The following BAZ2A variants were observed in gnomAD, a reference collection of about 807,000 sequenced individuals.
BAZ2A encodes bromodomain adjacent to zinc finger domain protein 2A.
BAZ2A carries 34 observed loss-of-function variants against 199.9 expected under a neutral mutation model. The observed-to-expected ratio is 0.17, with a 90% CI of 0.13 to 0.23. The LOEUF (loss-of-function observed/expected upper bound fraction) is 0.23. Ranked by LOEUF, BAZ2A falls within the 10% of genes least tolerant of loss-of-function variation. The pLI is 1.00. For missense variants in BAZ2A, 2,002 were observed against 2,391.1 expected (o/e 0.84, Z 3.39); for synonymous variants, 857 against 883.9 (o/e 0.97, Z 0.54).
At chr12:56,634,800 G>A (rs1454299553), upstream of BAZ2A, 1 of 710,646 alleles carries the variant, frequency 1.4e-6, no homozygotes, top group Non-Finnish European at 1.7e-6. Flanking sequence ...TGGGCGAGTA[G>A]ATAGTTCAGG....
In BAZ2A at chr12:56,598,696, G is replaced by T. The variant is rs1205824732; in HGVS notation, c.5634C>A (p.Gly1878=). The change falls in exon 29 of 29, where the codon GGC becomes GGA. Residue 1878 remains glycine (G), a synonymous_variant. Transcript: ENST00000549884. ...QTFNEDDSEV[G]KAGHIMRRFF... ...AGCGGCGCATGATGTGCCCAGCCTTGCCTACTTCAGAGTCATCCTCGTTGA... is the reference window on the plus strand; with the variant it reads ...AGCGGCGCATGATGTGCCCAGCCTTTCCTACTTCAGAGTCATCCTCGTTGA... 1 of 1,613,790 alleles carries T rather than the reference G, an allele frequency of 6.2e-7. No homozygotes were observed.
intron 1 of BAZ2A, among the ~76,000 whole-genome samples, chr12:56,625,148 GAATTT>G (rs1479046113): frequency 1.4e-5 from 2 of 141,652 alleles, no homozygotes; most frequent in African/African-American, 2.6e-5. Flanking sequence ...TTGTTTCTTA[GAATTT>G]CTTTTTTTTT....
intron 2 of BAZ2A, among the ~76,000 whole-genome samples, chr12:56,616,832 T>C (rs1950738830): frequency 6.6e-6 from 1 of 152,124 alleles, no homozygotes; most frequent in Admixed American, 6.6e-5. Context: ...ACAGAGCAAC[T>C]GGTAAGCCAA....
At chr12:56,621,560 G>A (rs1427213180) in intron 1 of BAZ2A, among the ~76,000 whole-genome samples, 2 of 151,964 alleles carry the variant, frequency 1.3e-5, no homozygotes, top group Non-Finnish European at 2.9e-5. Flanking sequence ...ATACTTGCTG[G>A]GCCTAAGTTT....
At position 56,635,994 on chromosome 12, in the gene BAZ2A, T is replaced by G. The variant is rs1951439279; in HGVS notation, c.4+188A>C. ...TCAGGCTCTTCCTTAGAACTGGGGC[T>G]TGCCCATACTCAGGATCCCGTGGTC... is the stretch of plus-strand genomic sequence containing the variant. On this transcript the variant is annotated intron_variant, in intron 1 of 29. Transcript: ENST00000379441. The surrounding 1 kb of genome is among the most constrained non-coding windows in gnomAD (Gnocchi z 4.1). 6.6e-6 allele frequency among the ~76,000 whole-genome samples: 1 copy of G among 152,184 alleles called. No homozygotes were observed. Among genetic ancestry groups the G allele is most frequent in the African/African-American group, 2.4e-5 (1 of 41,450 alleles).
Position 56,617,527 on chromosome 12 carries a change from C to T in BAZ2A, c.4G>A (p.Glu2Lys). Residue 2 changes from glutamate (E) to lysine (K), a missense_variant, in exon 2 of 29, where the codon GAG becomes AAG. Physicochemically the swap from Glu to Lys is moderately conservative, Grantham distance 56 (BLOSUM62 1). Transcript: ENST00000549884. ...GTAAAGTTAAAATGGTCGTTTGCCTCCATTTCTGCAGGAGGGGAGAGAGAG... is the reference window on the plus strand; with the variant it reads ...GTAAAGTTAAAATGGTCGTTTGCCTTCATTTCTGCAGGAGGGGAGAGAGAG... MEANDHFNFTGL... is the reference protein window; with the variant it reads MKANDHFNFTGL... 6.2e-7 allele frequency: 1 copy of T among 1,606,464 alleles called. No individual in the cohort carries two copies. The highest frequency in any genetic ancestry group is 8.5e-7 in the Non-Finnish European group (1 of 1,176,812).
Position 56,605,237 on chromosome 12 carries a change from A to G in BAZ2A, c.2584T>C (p.Phe862Leu), listed in dbSNP as rs900810830. Reference sequence around the variant, plus strand: ...GGATCAAAGCCCAGCACCTTGCCAAAGCTATGCAGGAACTCCACAATGGTC... The same window carrying G: ...GGATCAAAGCCCAGCACCTTGCCAAGGCTATGCAGGAACTCCACAATGGTC... ...CLTIVEFLHS[F>L]GKVLGFDPAK... Residue 862 changes from phenylalanine to leucine, a missense_variant, in exon 14 of 29, where the codon TTT becomes CTT. Phe to Leu is a conservative substitution (Grantham distance 22). Transcript: ENST00000549884. The G allele has an allele frequency of 1.2e-6, 2 of 1,613,746 alleles. No individual in the cohort carries two copies. The highest frequency in any genetic ancestry group is 1.7e-6 in the Non-Finnish European group (2 of 1,179,866).
chr12:56,601,275 C>T lies in BAZ2A; in HGVS notation c.4199G>A (p.Gly1400Glu). The T allele has an allele frequency of 6.2e-7, 1 of 1,614,058 alleles. No homozygotes were observed. The highest frequency in any genetic ancestry group is 1.3e-5 in the African/African-American group (1 of 75,070). ...AGGTCTCCCTCTCCGTTTGGGCTGT[C>T]CCAGCCCTGTGGGACTCTGTGGCAT... ...GEMPQSPTGLGQPKRRGRPPS... is the reference protein window; with the variant it reads ...GEMPQSPTGLEQPKRRGRPPS... The change falls in exon 21 of 29, where the codon GGA (glycine) becomes GAA (glutamate). Residue 1400 changes from glycine to glutamate, a missense_variant. Coordinates refer to ENST00000549884, the MANE Select transcript of BAZ2A (RefSeq NM_001300905.2).
rs1885978239 is a variant in BAZ2A, at chr12:56,597,716, T to C, written c.*902A>G. 1 of 151,624 alleles carries C rather than the reference T, an allele frequency of 6.6e-6. No homozygotes were observed. Among genetic ancestry groups the C allele is most frequent in the South Asian group, 2.1e-4 (1 of 4,788 alleles). 9.4% of individuals were successfully genotyped at this position (151,624 alleles called of 1,614,324 possible). On this transcript the variant is annotated 3_prime_UTR_variant, in exon 29 of 29. Transcript: ENST00000549884. ...CGGCCCCATTGCTACCTGGCCTCCA[T>C]CTTAGGGTGCACCCAAACTCAGCAG...
At chr12:56,630,714 A>T, upstream of BAZ2A, 2 of 909,484 alleles carry the variant, frequency 2.2e-6, no homozygotes, top group Non-Finnish European at 2.6e-6. Context: ...TAGAAAGGTT[A>T]GTCACTCAGG....
upstream of BAZ2A, among the ~76,000 whole-genome samples, chr12:56,636,969 A>G (rs1951461685): frequency 6.6e-6 from 1 of 152,122 alleles, no homozygotes; most frequent in Non-Finnish European, 1.5e-5. Context: ...AGCCCTCCCC[A>G]ACCTTCAGCC....
Position 56,603,408 on chromosome 12 carries a change from G to A in BAZ2A, c.3230C>T (p.Thr1077Ile), listed in dbSNP as rs765618894. 7 of 1,614,068 alleles carry A rather than the reference G, an allele frequency of 4.3e-6. No individual in the cohort carries two copies. Among genetic ancestry groups the A allele is most frequent in the South Asian group, 3.3e-5 (3 of 91,090 alleles). The change falls in exon 18 of 29, where the codon ACA (threonine) becomes ATA (isoleucine). Residue 1077 changes from threonine (T) to isoleucine (I), a missense_variant. Thr to Ile is a moderately conservative substitution (Grantham distance 89). Transcript: ENST00000549884. Reference sequence around the variant, plus strand: ...CTCTAGCTCTGGGATGCTAGATGCTGTGGCATCAACCTAGGGAGAAACACA... The same window carrying A: ...CTCTAGCTCTGGGATGCTAGATGCTATGGCATCAACCTAGGGAGAAACACA... ...RGRRDGEVDA[T>I]ASSIPELERQ...
At chr12:56,636,357 G>T (rs1951449252) in exon 1 of BAZ2A, 5 of 1,385,828 alleles carry the variant, frequency 3.6e-6, no homozygotes, top group Middle Eastern at 1.9e-4. Context: ...CTGCTGTAGG[G>T]TGATGTCCCT....
intron 27 of BAZ2A, 35 bp downstream of exon 27, chr12:56,599,094 G>A: frequency 6.3e-7 from 1 of 1,598,970 alleles, no homozygotes; most frequent in Non-Finnish European, 8.5e-7. Flanking sequence ...GGCAGAGGTA[G>A]AGCCAACTGT....
chr12:56,616,903 TG>T (rs1565828085), intron 2 of BAZ2A, among the ~76,000 whole-genome samples: 1 of 152,194 alleles, frequency 6.6e-6, no homozygotes, highest in African/African-American at 2.4e-5. Context: ...AACTTCTCTC[TG>T]GGGGAACTAG....
chr12:56,610,742 C>A (rs545331972), intron 7 of BAZ2A, among the ~76,000 whole-genome samples: 1 of 152,256 alleles, frequency 6.6e-6, no homozygotes, highest in South Asian at 2.1e-4. Context: ...CCAAACTGCA[C>A]AAGCTCAGAG....
chr12:56,615,363 G>A lies in BAZ2A; in HGVS notation c.381C>T (p.Gly127=), dbSNP rs1486775867. ...GQYPLNGILG[G]SRQPSSPSHN... ...GACTTGGGGATGAAGGTTGCCGGCT[G>A]CCCCCAAGGATGCCGTTGAGTGGGT... The change falls in exon 3 of 29, where the codon GGC becomes GGT. Residue 127 remains glycine, a synonymous_variant. Transcript: ENST00000549884. The A allele has an allele frequency of 6.2e-7, 1 of 1,613,586 alleles. No individual in the cohort carries two copies. Among genetic ancestry groups the A allele is most frequent in the South Asian group, 1.1e-5 (1 of 91,056 alleles).
chr12:56,602,717 G>A lies in BAZ2A; in HGVS notation c.3420C>T (p.Asn1140=). 1 of 1,613,102 alleles carries A rather than the reference G, an allele frequency of 6.2e-7. No individual in the cohort carries two copies. The highest frequency in any genetic ancestry group is 8.5e-7 in the Non-Finnish European group (1 of 1,179,124). The change falls in exon 19 of 29, where the codon AAC becomes AAT. Residue 1140 remains asparagine (N), a synonymous_variant. Transcript: ENST00000549884. ...AGIFVEGTEG[N]LVPEEVIKKE... ...CACTCCCACAGGCACACCTACCTAAGTTCCCCTCTGTTCCTTCTACAAAGA... is the reference window on the plus strand; with the variant it reads ...CACTCCCACAGGCACACCTACCTAAATTCCCCTCTGTTCCTTCTACAAAGA...
At chr12:56,614,327 C>T (rs1280436048) in intron 3 of BAZ2A, 189 bp from the exon 4 acceptor site, 2 of 567,216 alleles carry the variant, frequency 3.5e-6, no homozygotes, top group Admixed American at 6.2e-5. Flanking sequence ...ATCAATCCTA[C>T]AGCAGGCAAA....
Sources: allele counts gnomAD v4.1 joint callset (sites outside exome capture counted in the v4.1 genomes callset), GRCh38; gene constraint gnomAD v4.1.1; non-coding constraint Gnocchi (gnomAD v3.1); transcripts MANE v1.5; gene names NCBI Gene and HGNC (gene_info 2026-07-23, HGNC 2026-07-21).